MPP4: variants seen among roughly 807,000 people sequenced by gnomAD.
MPP4 encodes MAGUK p55 scaffold protein 4.
Under a neutral mutation model 98.3 loss-of-function variants are expected in MPP4, and 91 were observed. The ratio of observed to expected loss-of-function variants is 0.93; its 90% CI spans 0.78 to 1.10. MPP4 has a LOEUF of 1.10. MPP4 is among the 50% of genes least tolerant of loss of function. The pLI is 0.00. For missense variants in MPP4, 744 were observed against 792.9 expected (o/e 0.94, Z 0.74); for synonymous variants, 261 against 271.8 (o/e 0.96, Z 0.39).
intron 17 of MPP4, among the ~76,000 whole-genome samples, chr2:201,655,371 G>A (rs543655817): frequency 4.6e-5 from 7 of 152,320 alleles, no homozygotes; most frequent in East Asian, 1.9e-4. Context: ...ATGTCCGGCC[G>A]GAGGCAGGGC....
rs562937013 is a variant in MPP4 at position 201,664,283 on chromosome 2, AAC to A, written c.1052-184_1052-183del. The A allele has an allele frequency of 1.6e-4, 241 of 1,473,840 alleles. 3 individuals carry two copies. The East Asian group carries it at 6.5e-3, about 40-fold the overall frequency. The allele number at this position is 1,473,840 out of a possible 1,614,324, so 91.3% of individuals were successfully genotyped here. On this transcript the variant is annotated intron_variant, in intron 13 of 21. Transcript: ENST00000409474. Reference sequence around the variant, plus strand: ...TATGGCATATATCAGCTTTACATGAAACACATGGTATTCGGCAGTTGAGCCAT... The same window carrying A: ...TATGGCATATATCAGCTTTACATGAAACATGGTATTCGGCAGTTGAGCCAT...
intron 10 of MPP4, among the ~76,000 whole-genome samples, chr2:201,679,880 C>A (rs1328859495): frequency 3.3e-5 from 5 of 152,156 alleles, no homozygotes; most frequent in Non-Finnish European, 5.9e-5. Context: ...GGATTTCGGC[C>A]CCACTTCTCC....
At chr2:201,667,060 A>C (rs960347538) in intron 12 of MPP4, among the ~76,000 whole-genome samples, 1 of 152,234 alleles carries the variant, frequency 6.6e-6, no homozygotes, top group African/African-American at 2.4e-5. Flanking sequence ...TAGGATTGAG[A>C]AAATGCACGA....
intron 12 of MPP4, among the ~76,000 whole-genome samples, chr2:201,667,248 G>T (rs370885873): frequency 2.6e-5 from 4 of 152,130 alleles, no homozygotes. Context: ...TCTCCTTCAC[G>T]CATCTTACGC....
intron 13 of MPP4, chr2:201,665,959 A>T (rs1428569028): frequency 6.3e-6 from 1 of 157,858 alleles, no homozygotes. Context: ...AGATGGCATC[A>T]AACTTAATAA....
intron 16 of MPP4, among the ~76,000 whole-genome samples, chr2:201,657,375 C>A (rs1687873473): frequency 6.6e-6 from 1 of 152,122 alleles, no homozygotes; most frequent in East Asian, 1.9e-4. Flanking sequence ...ATCTTCAGAG[C>A]TGTTTCCAGG....
rs1688187597 is a variant in MPP4, at chr2:201,666,715, A to C, written c.1013-343T>G. The C allele has an allele frequency of 2.5e-5, 4 of 161,816 alleles. No homozygotes were observed. In the Admixed American group the frequency reaches 2.6e-4, roughly 10 times the overall value. The allele number at this position is 161,816 out of a possible 1,614,324, so 10.0% of individuals were successfully genotyped here. ...CTCCAGCCTGGGCAACAAGAGCGAA[A>C]CTCCATCTAAAAATAAAAATAAAAA... On this transcript the variant is annotated intron_variant, in intron 12 of 21. Transcript: ENST00000409474.
At chr2:201,687,901 C>T (rs770610780) in intron 4 of MPP4, among the ~76,000 whole-genome samples, 14 of 152,116 alleles carry the variant, frequency 9.2e-5, no homozygotes, top group South Asian at 2.1e-4. Context: ...AAGTGCTAAG[C>T]GGAAAAAAAT....
intron 18 of MPP4, chr2:201,652,008 C>A (rs1216108098): frequency 2.1e-6 from 2 of 973,300 alleles, no homozygotes; most frequent in Non-Finnish European, 2.4e-6. Flanking sequence ...ATGTTGATTT[C>A]TTTGGTAGTT....
chr2:201,651,947 C>A, intron 18 of MPP4: 1 of 817,306 alleles, frequency 1.2e-6, no homozygotes. Context: ...AGTGAGACTC[C>A]ATCTCAAACA....
At chr2:201,652,499 A>G (rs1268700036) in intron 18 of MPP4, among the ~76,000 whole-genome samples, 1 of 152,206 alleles carries the variant, frequency 6.6e-6, no homozygotes, top group Non-Finnish European at 1.5e-5. Flanking sequence ...AGCGGTTTCC[A>G]TGACTCTTTC....
Position 201,693,903 on chromosome 2 carries a change from G to C in MPP4, c.52C>G (p.Leu18Val). 1.9e-6 allele frequency: 3 copies of C among 1,613,976 alleles called. No homozygotes were observed. The highest frequency in any genetic ancestry group is 2.5e-6 in the Non-Finnish European group (3 of 1,179,850). ...ADPPDKKDMK[L>V]STATNPQNGL... Reference sequence around the variant, plus strand: ...TTCTGTGGATTGGTGGCTGTAGAAAGCTTCATGTCCTTCTTGTCTGGTGGA... The same window carrying C: ...TTCTGTGGATTGGTGGCTGTAGAAACCTTCATGTCCTTCTTGTCTGGTGGA... Residue 18 changes from leucine (L) to valine (V), a missense_variant, in exon 2 of 22, where the codon CTT becomes GTT. Coordinates refer to ENST00000409474, the MANE Select transcript of MPP4 (RefSeq NM_033066.3).
intron 7 of MPP4, 99 bp downstream of exon 7, chr2:201,684,961 GAAAA>G: frequency 3.0e-6 from 2 of 658,372 alleles, no homozygotes; most frequent in Middle Eastern, 3.4e-4. Flanking sequence ...AAAAAAAAAA[GAAAA>G]AAAAAAAGAA....
At chr2:201,676,546 C>T (rs545182043) in intron 10 of MPP4, among the ~76,000 whole-genome samples, 2 of 152,290 alleles carry the variant, frequency 1.3e-5, no homozygotes, top group South Asian at 4.1e-4. Context: ...ACATGCAGGG[C>T]ATTCAGATTC....
chr2:201,647,018 TAC>T (rs1474888089), intron 21 of MPP4, among the ~76,000 whole-genome samples: 1 of 152,178 alleles, frequency 6.6e-6, no homozygotes. Flanking sequence ...TCTGGGTGCA[TAC>T]ACACATAAAA....
intron 4 of MPP4, among the ~76,000 whole-genome samples, chr2:201,687,752 A>T (rs1330770928): frequency 6.6e-6 from 1 of 152,172 alleles, no homozygotes; most frequent in East Asian, 1.9e-4. Context: ...AAGCTGTATG[A>T]GTTTCTCTAG....
chr2:201,670,973 C>T (rs1688325801), intron 11 of MPP4, among the ~76,000 whole-genome samples: 1 of 152,182 alleles, frequency 6.6e-6, no homozygotes, highest in Non-Finnish European at 1.5e-5. Context: ...AACTCCCTCC[C>T]CTAGCCAAGG....
chr2:201,651,100 C>A (rs146873805), intron 18 of MPP4: 16 of 985,266 alleles, frequency 1.6e-5, no homozygotes, highest in Non-Finnish European at 1.9e-5. Flanking sequence ...ATCTATATTA[C>A]CATTAGTTCC....
In MPP4 at chr2:201,679,592, A is replaced by G. The variant is rs576920307; in HGVS notation, c.929+1246T>C. 5.9e-5 allele frequency among the ~76,000 whole-genome samples: 9 copies of G among 152,238 alleles called. No individual in the cohort carries two copies. In the South Asian group the frequency reaches 1.9e-3, roughly 32 times the overall value. ...CTATGGATGAGCTGTTTATGGTCCT[A>G]GGTCAGGCCAAGCTCTCTTCTTGAA... On this transcript the variant is annotated intron_variant, in intron 10 of 21. Transcript: ENST00000409474.
Sources: gnomAD v4.1 joint callset for allele counts (sites outside exome capture counted in the v4.1 genomes callset) on GRCh38, gnomAD v4.1.1 for gene constraint, MANE v1.5 for transcripts, NCBI Gene and HGNC (gene_info 2026-07-23, HGNC 2026-07-21) for gene names.